Variants in PCSK5 observed in about 807,000 individuals in gnomAD.
PCSK5 encodes proprotein convertase subtilisin/kexin type 5, also known as prohormone convertase 5.
PCSK5 carries 129 observed loss-of-function variants against 233.2 expected under a neutral mutation model. The ratio of observed to expected loss-of-function variants is 0.55; its 90% CI spans 0.48 to 0.64. The LOEUF (loss-of-function observed/expected upper bound fraction) is 0.64, where lower values mean the gene tolerates loss of function less well. Ranked by LOEUF, PCSK5 falls within the 30% of genes least tolerant of loss-of-function variation. PCSK5 has a pLI of 0.00. For missense variants in PCSK5, 2,076 were observed against 2,430.1 expected, an observed-to-expected ratio of 0.85 and a Z score of 3.06; for synonymous variants, 825 against 879.2, an observed-to-expected ratio of 0.94 and a Z score of 1.09.
chr9:75,914,486 G>C (rs1822893282), intron 1 of PCSK5, among the ~76,000 whole-genome samples: 1 of 152,132 alleles, frequency 6.6e-6, no homozygotes, highest in Non-Finnish European at 1.5e-5. Context: ...GGTAGTTTTA[G>C]ATGACCCAAT....
At chr9:76,343,331 ATTTG>A (rs1218426662) in intron 35 of PCSK5, among the ~76,000 whole-genome samples, 4,012 of 85,610 alleles carry the variant, frequency 0.047, 119 homozygotes, top group African/African-American at 0.11. Context: ...CACCTGGGTA[ATTTG>A]TGTGTGTGTG....
At chr9:76,030,133 G>A (rs1230707092) in intron 5 of PCSK5, among the ~76,000 whole-genome samples, 1 of 150,912 alleles carries the variant, frequency 6.6e-6, no homozygotes, top group East Asian at 2.0e-4. Flanking sequence ...AAAACAAAAA[G>A]GATCAGCAAT....
intron 9 of PCSK5, among the ~76,000 whole-genome samples, chr9:76,119,502 G>T (rs949014739): frequency 2.0e-5 from 3 of 152,012 alleles, no homozygotes; most frequent in Non-Finnish European, 2.9e-5. Flanking sequence ...TTTACATGTG[G>T]CAAGGAATTT....
At chr9:75,924,118 G>A (rs1405590500) in intron 1 of PCSK5, among the ~76,000 whole-genome samples, 1 of 151,502 alleles carries the variant, frequency 6.6e-6, no homozygotes, top group Non-Finnish European at 1.5e-5. Context: ...ACATTTGGTG[G>A]GGAGCACTAA....
chr9:76,043,163 G>T (rs998025392), intron 5 of PCSK5, among the ~76,000 whole-genome samples: 1 of 141,684 alleles, frequency 7.1e-6, no homozygotes, highest in Admixed American at 7.2e-5. Context: ...TGGCTAACAC[G>T]GTGAAACCCC....
intron 8 of PCSK5, among the ~76,000 whole-genome samples, chr9:76,104,508 T>G (rs1426407747): frequency 1.3e-5 from 2 of 152,274 alleles, no homozygotes; most frequent in Non-Finnish European, 2.9e-5. Context: ...GGTGTTTATA[T>G]ATAAATGTAC....
intron 1 of PCSK5, among the ~76,000 whole-genome samples, chr9:75,924,030 CCTTAA>C (rs1343712532): frequency 2.6e-5 from 4 of 152,118 alleles, no homozygotes; most frequent in Admixed American, 6.6e-5. Context: ...ATTTCAAGAT[CCTTAA>C]CTTAATCACA....
intron 5 of PCSK5, among the ~76,000 whole-genome samples, chr9:76,043,169 A>AC (rs142618397): frequency 0.22 from 34,063 of 151,412 alleles, 4,211 homozygotes; most frequent in Middle Eastern, 0.3. Context: ...ACACGGTGAA[A>AC]CCCCGTCTCT....
chr9:76,264,042 A>T (rs116758641), intron 24 of PCSK5, among the ~76,000 whole-genome samples: 2,335 of 152,292 alleles, frequency 0.015, 63 homozygotes, highest in African/African-American at 0.054. Context: ...GCATTACATT[A>T]CTCAATTTCA....
intron 2 of PCSK5, among the ~76,000 whole-genome samples, chr9:75,948,631 G>A (rs891649942): frequency 6.6e-6 from 1 of 152,078 alleles, no homozygotes; most frequent in Non-Finnish European, 1.5e-5. Context: ...ACGTGTGCAG[G>A]TGTCTTTATA....
At chr9:75,918,349 C>T (rs980123556) in intron 1 of PCSK5, among the ~76,000 whole-genome samples, 1 of 152,186 alleles carries the variant, frequency 6.6e-6, no homozygotes, top group African/African-American at 2.4e-5. Flanking sequence ...GCTGGCTGAG[C>T]AGGTGATGAC....
At chr9:76,274,821 T>G (rs1827636934) in intron 24 of PCSK5, among the ~76,000 whole-genome samples, 1 of 152,234 alleles carries the variant, frequency 6.6e-6, no homozygotes, top group Non-Finnish European at 1.5e-5. Flanking sequence ...GAGGTTTATC[T>G]GGCTCATGCT....
Position 76,134,145 on chromosome 9 carries a change from T to G in PCSK5, c.1245T>G (p.Ile415Met). 1 of 1,610,528 alleles carries G rather than the reference T, an allele frequency of 6.2e-7. No individual in the cohort carries two copies. The highest frequency in any genetic ancestry group is 8.5e-7 in the Non-Finnish European group (1 of 1,178,172). Residue 415 changes from isoleucine (I) to methionine (M), a missense_variant, in exon 10 of 38, where the codon ATT (isoleucine) becomes ATG (methionine). By Grantham distance (10) the Ile-to-Met change is conservative. Coordinates refer to ENST00000674117, the MANE Select transcript of PCSK5 (RefSeq NM_001372043.1). Reference protein sequence around the residue: ...FLTWRDVQHVIVRTSRAGHLN... With the variant: ...FLTWRDVQHVMVRTSRAGHLN... ...CCTGGAGAGACGTACAGCATGTTAT[T>G]GTCAGGACTTCCCGTGCGGGACATT...
intron 5 of PCSK5, among the ~76,000 whole-genome samples, chr9:76,037,890 C>G (rs1253713322): frequency 6.6e-6 from 1 of 152,202 alleles, no homozygotes; most frequent in Non-Finnish European, 1.5e-5. Flanking sequence ...TCCTTCTCCA[C>G]TCTCAGGCGA....
intron 5 of PCSK5, among the ~76,000 whole-genome samples, chr9:76,050,719 CCT>C (rs1480077571): frequency 1.3e-5 from 2 of 152,122 alleles, no homozygotes; most frequent in African/African-American, 4.8e-5. Flanking sequence ...TTGCAATGCC[CCT>C]GTCAGTGGTC....
rs560792065 is a variant in PCSK5 at position 75,987,692 on chromosome 9, C to T, written c.411+1447C>T. ...TCATAAAGCTAAGTTCAAGGGAAGG[C>T]GGATCTAAGCATCCTTAGCCCCAGT... On this transcript the variant is annotated intron_variant, in intron 3 of 37. Coordinates refer to ENST00000674117, the MANE Select transcript of PCSK5 (RefSeq NM_001372043.1). Among the ~76,000 whole-genome samples, 19 of 152,268 alleles carry T rather than the reference C, an allele frequency of 1.2e-4. No individual in the cohort carries two copies. In the South Asian group the frequency reaches 3.7e-3, roughly 30 times the overall value.
At chr9:75,892,556 G>A (rs1398275850) in intron 1 of PCSK5, among the ~76,000 whole-genome samples, 2 of 152,228 alleles carry the variant, frequency 1.3e-5, no homozygotes, top group Non-Finnish European at 2.9e-5. Context: ...CGCACCCTGC[G>A]TGCTCTGCCA....
At chr9:75,911,201 G>GTTTTTTTTTTTTTTTTTTT (rs71370772) in intron 1 of PCSK5, among the ~76,000 whole-genome samples, 13 of 48,760 alleles carry the variant, frequency 2.7e-4, no homozygotes, top group East Asian at 1.5e-3. Context: ...GAACATATAG[G>GTTTTTTTTTTTTTTTTTTT]TTTTTTTTTT....
At chr9:76,080,011 C>T (rs1404627456) in intron 7 of PCSK5, among the ~76,000 whole-genome samples, 2 of 152,168 alleles carry the variant, frequency 1.3e-5, no homozygotes, top group African/African-American at 4.8e-5. Flanking sequence ...CCAACTTGAT[C>T]ATGGTATATT....
Sources: allele counts gnomAD v4.1 joint callset (sites outside exome capture counted in the v4.1 genomes callset), GRCh38; gene constraint gnomAD v4.1.1; transcripts MANE v1.5; gene names NCBI Gene and HGNC (gene_info 2026-07-23, HGNC 2026-07-21).